NCL: variants seen among roughly 807,000 people sequenced by gnomAD.
NCL encodes nucleolin multifunctional protein.
NCL carries 4 observed loss-of-function variants against 77.7 expected under a neutral mutation model. That is an observed-to-expected ratio of 0.05 (90% CI 0.03 to 0.12). NCL has a LOEUF of 0.12. Among genes scored for constraint, NCL ranks in the 10% least tolerant of loss-of-function variants. The probability of loss-of-function intolerance (pLI) is 1.00; values close to 1 mark genes in which losing one functional copy is unlikely to be tolerated. For synonymous variants in NCL, 344 were observed against 297.8 expected (o/e 1.16, Z -1.60); for missense variants, 763 against 860.9 (o/e 0.89, Z 1.42).
chr2:231,463,079 A>C, intron 2 of NCL, 121 bp downstream of exon 2: 1 of 727,820 alleles, frequency 1.4e-6, no homozygotes, highest in East Asian at 2.5e-5. Context: ...TGAAACACTC[A>C]ACCACTACAA....
chr2:231,459,026 T>C lies in NCL; in HGVS notation c.1140A>G (p.Lys380=). ...CTTTCTTACTGTCTTTTCCTTTTGG[T>C]TTCTCTAGTTTAATTTCATTGCCAA... The part of the protein sequence containing the change: ...KVFGNEIKLE[K]PKGKDSKKER... The change falls in exon 7 of 14, where the codon AAA becomes AAG. Residue 380 remains lysine (K), a synonymous_variant. Transcript: ENST00000322723. The C allele has an allele frequency of 6.3e-7, 1 of 1,597,862 alleles. No individual in the cohort carries two copies. Among genetic ancestry groups the C allele is most frequent in the Admixed American group, 1.8e-5 (1 of 56,574 alleles).
chr2:231,456,198 C>T (rs2046886218), intron 11 of NCL, 62 bp from the exon 12 acceptor site: 1 of 1,601,750 alleles, frequency 6.2e-7, no homozygotes, highest in Non-Finnish European at 8.5e-7. Context: ...TGAATTTGCA[C>T]AATGCCTAGT....
chr2:231,455,377 T>C (rs2046876194), intron 13 of NCL, 24 bp downstream of exon 13: 3 of 1,613,792 alleles, frequency 1.9e-6, no homozygotes, highest in South Asian at 2.2e-5. Context: ...TGCTATGTGG[T>C]GTCATTATCT....
intron 2 of NCL, 53 bp from the exon 3 acceptor site, chr2:231,462,070 A>G (rs769586422): frequency 3.3e-5 from 52 of 1,594,022 alleles, no homozygotes; most frequent in Non-Finnish European, 4.2e-5. Flanking sequence ...ACCCAAAAAG[A>G]TAACCATGGT....
rs545919038 is a variant in NCL, at chr2:231,455,873, CTCT to C, written c.1832+134_1832+136del. The C allele has an allele frequency of 4.4e-3, 6,185 of 1,393,992 alleles. 24 individuals carry two copies. The highest frequency in any genetic ancestry group is 5.3e-3 in the Non-Finnish European group (5,265 of 984,888). The allele number at this position is 1,393,992 out of a possible 1,614,324, so 86.4% of individuals were successfully genotyped here. ...AAATAATGCTAGTTCTGTGAATTCT[CTCT>C]TCTTCTCGTGCGAATCCATAAACTG... is the stretch of plus-strand genomic sequence containing the variant. On this transcript the variant is annotated intron_variant, in intron 12 of 13. Coordinates refer to ENST00000322723, the MANE Select transcript of NCL (RefSeq NM_005381.3).
At chr2:231,463,784 T>C (rs1033654255) in intron 1 of NCL, 10 of 165,112 alleles carry the variant, frequency 6.1e-5, no homozygotes, top group Non-Finnish European at 1.3e-4. Context: ...TGGGGGTACC[T>C]GGTAGGCCAC....
chr2:231,462,392 G>A (rs2046961163), intron 2 of NCL: 1 of 382,092 alleles, frequency 2.6e-6, no homozygotes, highest in South Asian at 2.0e-5. Flanking sequence ...CACATAGGAG[G>A]CTCCAAGCAT....
intron 12 of NCL, 70 bp downstream of exon 12, chr2:231,455,940 T>C: frequency 6.2e-7 from 1 of 1,610,588 alleles, no homozygotes; most frequent in Non-Finnish European, 8.5e-7. Context: ...AGAAGACACA[T>C]TAGACTCAAG....
intron 9 of NCL, chr2:231,457,329 T>C: frequency 1.2e-6 from 1 of 801,798 alleles, no homozygotes; most frequent in Non-Finnish European, 2.2e-6. Flanking sequence ...TTACATAGGC[T>C]GATGACTGGT....
At position 231,454,963 on chromosome 2, in the gene NCL, GATAAGGGTTAGCTCT is replaced by G. The variant is rs1238907806; in HGVS notation, c.*213_*227del. On this transcript the variant is annotated 3_prime_UTR_variant, in exon 14 of 14. Transcript: ENST00000322723. The stretch of plus-strand genomic sequence containing the variant: ...AAACAATATAAATTCAAAACTTACA[GATAAGGGTTAGCTCT>G]ATCACTCAACTCTTTAAAAAGTTTA... 16 of 447,276 alleles carry G rather than the reference GATAAGGGTTAGCTCT, an allele frequency of 3.6e-5. No individual in the cohort carries two copies. Among genetic ancestry groups the G allele is most frequent in the Non-Finnish European group, 6.0e-5 (15 of 251,986 alleles). The allele number at this position is 447,276 out of a possible 1,614,324, so 27.7% of individuals were successfully genotyped here. A position where few individuals can be genotyped will look rare whatever the true frequency, so the allele number is the denominator to read the frequency against.
chr2:231,461,376 A>G (rs946386342), intron 3 of NCL, among the ~76,000 whole-genome samples, 164 bp downstream of exon 3: 2 of 152,242 alleles, frequency 1.3e-5, no homozygotes, highest in African/African-American at 4.8e-5. Context: ...AGAGGCACAA[A>G]AATCATTCAT....
chr2:231,456,249 GT>G, intron 11 of NCL, 113 bp from the exon 12 acceptor site: 2 of 1,405,970 alleles, frequency 1.4e-6, no homozygotes, highest in Non-Finnish European at 1.9e-6. Flanking sequence ...TGAAAAAGCA[GT>G]TAAAAGCAAC....
chr2:231,456,135 C>T lies in NCL; in HGVS notation c.1707G>A (p.Gln569=). 6.2e-7 allele frequency: 1 copy of T among 1,601,368 alleles called. No homozygotes were observed. Among genetic ancestry groups the T allele is most frequent in the Non-Finnish European group, 8.5e-7 (1 of 1,175,054 alleles). The change falls in exon 12 of 14, where the codon CAG becomes CAA. Residue 569 remains glutamine (Q), a splice_region_variant and synonymous_variant. Coordinates refer to ENST00000322723, the MANE Select transcript of NCL (RefSeq NM_005381.3). ...GPRGSPNARS[Q]PSKTLFVKGL... Reference sequence around the variant, plus strand: ...CTTTGACAAACAGAGTTTTGGATGGCTCTGGGAAGGAAAAAAAAATGTGAC... The same window carrying T: ...CTTTGACAAACAGAGTTTTGGATGGTTCTGGGAAGGAAAAAAAAATGTGAC...
Position 231,454,980 on chromosome 2 carries a change from T to G in NCL, c.*211A>C. 1.8e-6 allele frequency: 1 copy of G among 542,092 alleles called. No individual in the cohort carries two copies. The highest frequency in any genetic ancestry group is 3.3e-6 in the Non-Finnish European group (1 of 305,516). The allele number at this position is 542,092 out of a possible 1,614,324, so 33.6% of individuals were successfully genotyped here. On this transcript the variant is annotated 3_prime_UTR_variant, in exon 14 of 14. Transcript: ENST00000322723. Reference sequence around the variant, plus strand: ...AACTTACAGATAAGGGTTAGCTCTATCACTCAACTCTTTAAAAAGTTTATA... The same window carrying G: ...AACTTACAGATAAGGGTTAGCTCTAGCACTCAACTCTTTAAAAAGTTTATA...
chr2:231,464,433 T>G lies in NCL; in HGVS notation c.-80A>C. The G allele has an allele frequency of 6.5e-7, 1 of 1,542,616 alleles. No individual in the cohort carries two copies. The highest frequency in any genetic ancestry group is 1.2e-5 in the South Asian group (1 of 84,826). ...AAGCGACGGCGATGGCGGCCGCGGG[T>G]GCTGAAGATCCCGGAGCACGTACAC... On this transcript the variant is annotated 5_prime_UTR_variant, in exon 1 of 14. Transcript: ENST00000322723.
chr2:231,455,383 T>C lies in NCL; in HGVS notation c.2056+18A>G, dbSNP rs1301977490. 37 of 1,613,708 alleles carry C rather than the reference T, an allele frequency of 2.3e-5. No homozygotes were observed. The highest frequency in any genetic ancestry group is 3.1e-5 in the Non-Finnish European group (37 of 1,179,972). On this transcript the variant is annotated intron_variant, in intron 13 of 13. Transcript: ENST00000322723. Reference sequence around the variant, plus strand: ...AAGAGCACATGCTATGTGGTGTCATTATCTCTGCGTGCCTTACCTCCAAAG... The same window carrying C: ...AAGAGCACATGCTATGTGGTGTCATCATCTCTGCGTGCCTTACCTCCAAAG...
intron 1 of NCL, chr2:231,463,533 AC>A: frequency 1.9e-6 from 1 of 534,720 alleles, no homozygotes. Context: ...CCAACAGAAA[AC>A]CTGCCCTAAG....
Position 231,460,751 on chromosome 2 carries a change from C to T in NCL, c.729G>A (p.Glu243=). ...CTTCGTCGTCGTCGTCATCCTCGTCCTCATCATCCTCTTCTTCATCTTCAT... is the reference window on the plus strand; with the variant it reads ...CTTCGTCGTCGTCGTCATCCTCGTCTTCATCATCCTCTTCTTCATCTTCAT... The part of the protein sequence containing the change: ...AEDEDEEEDD[E]DEDDDDDEDD... The change falls in exon 4 of 14, where the codon GAG becomes GAA. Residue 243 remains glutamate, a synonymous_variant. Transcript: ENST00000322723. 1.2e-6 allele frequency: 2 copies of T among 1,612,392 alleles called. No homozygotes were observed. The highest frequency in any genetic ancestry group is 8.5e-7 in the Non-Finnish European group (1 of 1,178,884).
chr2:231,460,542 T>C lies in NCL; in HGVS notation c.834A>G (p.Gly278=), dbSNP rs1382963212. ...GTTTGGCCATTTCCTTCTTTCGTTT[T>C]CCAGGTGCTTCTTTGACAGGCTCTG... is the stretch of plus-strand genomic sequence containing the variant. The part of the protein sequence containing the change: ...EEEEPVKEAP[G]KRKKEMAKQK... The change falls in exon 5 of 14, where the codon GGA becomes GGG. Residue 278 remains glycine (G), a synonymous_variant. Transcript: ENST00000322723. 1.9e-6 allele frequency: 3 copies of C among 1,614,124 alleles called. No individual in the cohort carries two copies. Among genetic ancestry groups the C allele is most frequent in the Non-Finnish European group, 2.5e-6 (3 of 1,180,054 alleles).
Sources: allele counts gnomAD v4.1 joint callset (sites outside exome capture counted in the v4.1 genomes callset), GRCh38; gene constraint gnomAD v4.1.1; transcripts MANE v1.5; gene names NCBI Gene and HGNC (gene_info 2026-07-23, HGNC 2026-07-21).